The following TESC variants were observed in gnomAD, a reference collection of about 807,000 sequenced individuals.
TESC encodes calcineurin B homologous protein 3.
In TESC, 19 loss-of-function variants were observed where a neutral mutation model predicts 31.0. The observed-to-expected ratio is 0.61, with a 90% CI of 0.43 to 0.90. TESC has a LOEUF of 0.90. Among genes scored for constraint, TESC ranks in the 40% least tolerant of loss-of-function variants. The pLI is 0.00. For missense variants in TESC, 248 were observed against 303.8 expected (o/e 0.82, Z 1.36); for synonymous variants, 109 against 114.8 (o/e 0.95, Z 0.32).
At chr12:117,045,423 T>G (rs1239412362) in intron 6 of TESC, among the ~76,000 whole-genome samples, 3 of 151,230 alleles carry the variant, frequency 2.0e-5, no homozygotes, top group African/African-American at 7.3e-5. Flanking sequence ...ACAAGGAGAG[T>G]GTAATTAAAT....
At chr12:117,095,100 G>C (rs556462749) in intron 1 of TESC, among the ~76,000 whole-genome samples, 1 of 151,768 alleles carries the variant, frequency 6.6e-6, no homozygotes, top group African/African-American at 2.4e-5. Context: ...TTGTGAGATG[G>C]AGTTCACTCT....
At chr12:117,078,416 A>G (rs1025509873) in intron 1 of TESC, among the ~76,000 whole-genome samples, 1 of 152,204 alleles carries the variant, frequency 6.6e-6, no homozygotes, top group African/African-American at 2.4e-5. Flanking sequence ...CAGTGAGCCA[A>G]AATCGCACCA....
intron 2 of TESC, among the ~76,000 whole-genome samples, chr12:117,063,134 T>C (rs1186650381): frequency 1.3e-5 from 2 of 152,134 alleles, no homozygotes; most frequent in Non-Finnish European, 2.9e-5. Context: ...GCAACAATGA[T>C]GATCCTATTT....
intron 2 of TESC, among the ~76,000 whole-genome samples, chr12:117,074,917 C>T (rs990208478): frequency 1.3e-5 from 2 of 152,260 alleles, no homozygotes; most frequent in South Asian, 2.1e-4. Context: ...GAGGCTGAGA[C>T]GGGTGGATCA....
At chr12:117,070,582 TCAAGA>T (rs1308914044) in intron 2 of TESC, among the ~76,000 whole-genome samples, 1 of 152,052 alleles carries the variant, frequency 6.6e-6, no homozygotes, top group East Asian at 1.9e-4. Flanking sequence ...CACTTGCAAA[TCAAGA>T]CAATGCCCCT....
At chr12:117,077,600 C>T (rs1158072971) in intron 1 of TESC, among the ~76,000 whole-genome samples, 2 of 152,148 alleles carry the variant, frequency 1.3e-5, no homozygotes, top group Non-Finnish European at 2.9e-5. Context: ...TGAAAATGAA[C>T]AATATAGATA....
intron 2 of TESC, among the ~76,000 whole-genome samples, chr12:117,060,444 T>C (rs1262872636): frequency 6.6e-6 from 1 of 152,182 alleles, no homozygotes; most frequent in East Asian, 1.9e-4. Context: ...GACAGCTCGA[T>C]GCCTTGCCCT....
chr12:117,090,653 C>T (rs565000380), intron 1 of TESC, among the ~76,000 whole-genome samples: 2 of 152,300 alleles, frequency 1.3e-5, no homozygotes, highest in South Asian at 4.1e-4. Context: ...TATAAACCCA[C>T]ATCTATCTGC....
intron 7 of TESC, among the ~76,000 whole-genome samples, chr12:117,039,447 G>A (rs1954449900): frequency 6.6e-6 from 1 of 152,198 alleles, no homozygotes; most frequent in Non-Finnish European, 1.5e-5. Context: ...TTCTGAGATT[G>A]TCACAGCAAG....
chr12:117,094,507 A>G (rs1165370330), intron 1 of TESC, among the ~76,000 whole-genome samples: 1 of 152,162 alleles, frequency 6.6e-6, no homozygotes, highest in Non-Finnish European at 1.5e-5. Flanking sequence ...GGTGAACAAG[A>G]CACGTTCTTT....
intron 2 of TESC, among the ~76,000 whole-genome samples, chr12:117,059,613 G>A (rs1347943886): frequency 2.0e-5 from 3 of 152,150 alleles, no homozygotes; most frequent in South Asian, 2.1e-4. Flanking sequence ...AGGCTGGAGC[G>A]CGGTGGCACA....
intron 1 of TESC, among the ~76,000 whole-genome samples, chr12:117,095,829 T>G (rs975876455): frequency 3.9e-5 from 6 of 151,978 alleles, no homozygotes; most frequent in Admixed American, 3.9e-4. Flanking sequence ...GCAGTGAGCT[T>G]GATCATGCCC....
At chr12:117,059,233 T>G (rs1033640789) in intron 2 of TESC, among the ~76,000 whole-genome samples, 1 of 152,168 alleles carries the variant, frequency 6.6e-6, no homozygotes, top group Non-Finnish European at 1.5e-5. Flanking sequence ...GTGAACGCCT[T>G]GTGGCCCCTG....
chr12:117,088,402 C>T (rs771258735), intron 1 of TESC, among the ~76,000 whole-genome samples: 23 of 152,114 alleles, frequency 1.5e-4, no homozygotes, highest in Non-Finnish European at 2.6e-4. Context: ...CAAGGTTGGC[C>T]GGGCACAGTG....
At chr12:117,092,679 T>C (rs1955329304) in intron 1 of TESC, among the ~76,000 whole-genome samples, 1 of 152,202 alleles carries the variant, frequency 6.6e-6, no homozygotes, top group African/African-American at 2.4e-5. Context: ...GAGGAGCCAC[T>C]GTCTGAGGAG....
intron 1 of TESC, among the ~76,000 whole-genome samples, chr12:117,078,677 T>C (rs972191858): frequency 6.6e-6 from 1 of 152,160 alleles, no homozygotes; most frequent in East Asian, 1.9e-4. Context: ...AACTCTGTGT[T>C]GTGGAAAAGA....
intron 1 of TESC, among the ~76,000 whole-genome samples, chr12:117,078,853 T>C (rs577624438): frequency 3.9e-5 from 6 of 152,342 alleles, no homozygotes; most frequent in African/African-American, 1.4e-4. Context: ...TATGTATTAG[T>C]CTTGTAATGA....
At chr12:117,066,799 T>C (rs1344633012) in intron 2 of TESC, among the ~76,000 whole-genome samples, 1 of 152,024 alleles carries the variant, frequency 6.6e-6, no homozygotes, top group Non-Finnish European at 1.5e-5. Flanking sequence ...TTCTCAACCC[T>C]GTAGGATCCT....
chr12:117,082,433 G>C (rs1955161230), intron 1 of TESC, among the ~76,000 whole-genome samples: 2 of 151,434 alleles, frequency 1.3e-5, no homozygotes, highest in South Asian at 4.2e-4. Flanking sequence ...GAACCTGGGA[G>C]GCAGAGGTTG....
Sources: gnomAD v4.1 joint callset for allele counts (sites outside exome capture counted in the v4.1 genomes callset) on GRCh38, gnomAD v4.1.1 for gene constraint, MANE v1.5 for transcripts, NCBI Gene and HGNC (gene_info 2026-07-23, HGNC 2026-07-21) for gene names.